The following EXTL3 variants were observed in gnomAD, a reference collection of about 807,000 sequenced individuals.
EXTL3 encodes exostosin like glycosyltransferase 3.
EXTL3 carries 27 observed loss-of-function variants against 69.3 expected under a neutral mutation model. That is an observed-to-expected ratio of 0.39 (90% CI 0.29 to 0.54). EXTL3 has a LOEUF of 0.54. Among genes scored for constraint, EXTL3 ranks in the 20% least tolerant of loss-of-function variants. EXTL3 has a pLI of 0.69. For missense variants in EXTL3, 1,003 were observed against 1,231.8 expected (o/e 0.81, Z 2.78); for synonymous variants, 511 against 499.4 (o/e 1.02, Z -0.31).
intron 1 of EXTL3, among the ~76,000 whole-genome samples, chr8:28,705,027 T>C (rs1331784070): frequency 6.6e-6 from 1 of 152,204 alleles, no homozygotes; most frequent in Non-Finnish European, 1.5e-5. Flanking sequence ...GTTGATGGGA[T>C]CCCAAATTAT....
chr8:28,710,426 G>A (rs924632280), intron 1 of EXTL3: 3 of 455,436 alleles, frequency 6.6e-6, no homozygotes, highest in Non-Finnish European at 1.3e-5. Flanking sequence ...GGCAGGAAGT[G>A]TAAAATGCAG....
intron 2 of EXTL3, among the ~76,000 whole-genome samples, chr8:28,610,359 G>T (rs1015634986): frequency 6.6e-6 from 1 of 152,230 alleles, no homozygotes; most frequent in Non-Finnish European, 1.5e-5. Flanking sequence ...TTAACAGATT[G>T]TTAGTCAGGT....
At chr8:28,733,974 T>C (rs922378113) in intron 4 of EXTL3, among the ~76,000 whole-genome samples, 9 of 151,928 alleles carry the variant, frequency 5.9e-5, no homozygotes, top group African/African-American at 2.2e-4. Context: ...CCTGCCACCA[T>C]GCCTGGCTAA....
At chr8:28,713,856 C>T (rs1302748879) in intron 2 of EXTL3, among the ~76,000 whole-genome samples, 1 of 151,144 alleles carries the variant, frequency 6.6e-6, no homozygotes, top group Non-Finnish European at 1.5e-5. Context: ...TTTCCCTCCT[C>T]TCATTCTTTG....
At chr8:28,619,266 T>TAAAAAAAAAAAAAAAAAAAAAA (rs755355444), upstream of EXTL3, among the ~76,000 whole-genome samples, 1 of 64,656 alleles carries the variant, frequency 1.5e-5, no homozygotes, top group Non-Finnish European at 2.8e-5. Context: ...AGCTTAGTGA[T>TAAAAAAAAAAAAAAAAAAAAAA]AAAAAAAAAA....
In EXTL3 at chr8:28,639,649, G is replaced by T. The variant is rs561548072; in HGVS notation, c.-53+16839G>T. Among the ~76,000 whole-genome samples, 12 of 152,266 alleles carry T rather than the reference G, an allele frequency of 7.9e-5. No individual in the cohort carries two copies. The South Asian group carries it at 1.0e-3, about 13-fold the overall frequency. ...GTTGAGCCACTCCCTCCACCTGGAC[G>T]GTTCCTCTCCTGAGTCCCTCCTGAC... On this transcript the variant is annotated intron_variant, in intron 1 of 6. Coordinates refer to the EXTL3 transcript ENST00000523149.
chr8:28,675,328 C>T (rs757452279), intron 1 of EXTL3, among the ~76,000 whole-genome samples: 24 of 152,258 alleles, frequency 1.6e-4, no homozygotes, highest in Middle Eastern at 3.4e-3. Context: ...CGAAACTCAT[C>T]GTGCAACACT....
Position 28,750,739 on chromosome 8 carries a change from A to G in EXTL3, c.2633A>G (p.Lys878Arg). Residue 878 changes from lysine to arginine, a missense_variant, in exon 7 of 7, where the codon AAG (lysine) becomes AGG (arginine). Coordinates refer to ENST00000220562, the MANE Select transcript of EXTL3 (RefSeq NM_001440.4). The surrounding 1 kb of genome is among the most constrained non-coding windows in gnomAD (Gnocchi z 5.2). ...GACTCCCACTTCCACGAGCGGCACA[A>G]GTGCATCAACTTCTTCGTGAAGGTG... ...HDDSHFHERH[K>R]CINFFVKVYG... is the part of the protein sequence containing the mutation. The G allele has an allele frequency of 6.2e-7, 1 of 1,614,156 alleles. No individual in the cohort carries two copies. Among genetic ancestry groups the G allele is most frequent in the Non-Finnish European group, 8.5e-7 (1 of 1,180,018 alleles).
chr8:28,618,786 G>A (rs1806361788), upstream of EXTL3, among the ~76,000 whole-genome samples: 1 of 151,908 alleles, frequency 6.6e-6, no homozygotes, highest in Admixed American at 6.6e-5. Context: ...AAAAGCCAGT[G>A]TAAGAAACAG....
chr8:28,707,804 A>C (rs1217250097), intron 1 of EXTL3, among the ~76,000 whole-genome samples: 2 of 152,222 alleles, frequency 1.3e-5, no homozygotes, highest in African/African-American at 2.4e-5. Context: ...CTGACTGGTA[A>C]AACAATACGA....
At chr8:28,617,358 AT>A (rs1394414009) in intron 2 of EXTL3, among the ~76,000 whole-genome samples, 3 of 152,252 alleles carry the variant, frequency 2.0e-5, no homozygotes, top group African/African-American at 7.2e-5. Flanking sequence ...TCATAGCAAC[AT>A]TATTCACGAT....
chr8:28,712,930 T>C (rs1389327705), intron 1 of EXTL3, among the ~76,000 whole-genome samples: 1 of 152,178 alleles, frequency 6.6e-6, no homozygotes, highest in Non-Finnish European at 1.5e-5. Context: ...ATTTTTGGTA[T>C]GAAAAATTTC....
intron 6 of EXTL3, among the ~76,000 whole-genome samples, chr8:28,745,705 G>C (rs964322470): frequency 6.6e-6 from 1 of 152,182 alleles, no homozygotes; most frequent in Non-Finnish European, 1.5e-5. Flanking sequence ...CCTAATAATA[G>C]CATCAGTTAC....
chr8:28,750,531 A>G lies in EXTL3; in HGVS notation c.2551-126A>G, dbSNP rs1801980881. 11 of 785,688 alleles carry G rather than the reference A, an allele frequency of 1.4e-5. No homozygotes were observed. The South Asian group carries it at 1.6e-4, about 11-fold the overall frequency. The allele number at this position is 785,688 out of a possible 1,614,324, so 48.7% of individuals were successfully genotyped here. A position where few individuals can be genotyped will look rare whatever the true frequency, so the allele number is the denominator to read the frequency against. On this transcript the variant is annotated intron_variant, in intron 6 of 6. Coordinates refer to ENST00000220562, the MANE Select transcript of EXTL3 (RefSeq NM_001440.4). This position sits in a 1 kb window ranked among gnomAD's most constrained non-coding sequence, Gnocchi z 5.2. ...GGCTCTGGTTCCTGCCATGCTCTGC[A>G]GGGATGTTGCCCCTGAGGGGATCAG...
chr8:28,642,651 G>A lies in EXTL3; in HGVS notation c.-53+19841G>A, dbSNP rs557821721. Among the ~76,000 whole-genome samples the A allele has an allele frequency of 6.5e-4, 99 of 151,942 alleles. 1 individual carries two copies. The highest frequency in any genetic ancestry group is 2.3e-3 in the Admixed American group (35 of 15,234). On this transcript the variant is annotated intron_variant, in intron 1 of 6. Transcript: ENST00000523149. ...AAATGTTTTAAGGAAACCAAAAGTG[G>A]AACCGATTGACCAATATATTATGAA...
chr8:28,719,538 G>C (rs914094302), intron 3 of EXTL3, among the ~76,000 whole-genome samples: 4 of 152,006 alleles, frequency 2.6e-5, no homozygotes, highest in Admixed American at 2.6e-4. Context: ...TTTTCTTACT[G>C]CTGCTAATCT....
intron 1 of EXTL3, among the ~76,000 whole-genome samples, chr8:28,639,289 T>TCC (rs1205811620): frequency 6.6e-6 from 1 of 152,088 alleles, no homozygotes; most frequent in African/African-American, 2.4e-5. Context: ...CCAAGTCCAG[T>TCC]CCCGGGTTCT....
intron 1 of EXTL3, among the ~76,000 whole-genome samples, chr8:28,681,842 T>C (rs924515394): frequency 6.6e-6 from 1 of 151,996 alleles, no homozygotes; most frequent in Admixed American, 6.6e-5. Flanking sequence ...TTACCAGAGG[T>C]TGGGAATTCG....
chr8:28,642,386 C>A (rs937537299), intron 1 of EXTL3, among the ~76,000 whole-genome samples: 1 of 148,462 alleles, frequency 6.7e-6, no homozygotes, highest in Non-Finnish European at 1.5e-5. Flanking sequence ...GTAAAGGCTG[C>A]AGTGAGCCAA....
Sources: gnomAD v4.1 joint callset for allele counts (sites outside exome capture counted in the v4.1 genomes callset) on GRCh38, gnomAD v4.1.1 for gene constraint, Gnocchi (gnomAD v3.1) non-coding constraint, MANE v1.5 for transcripts, NCBI Gene and HGNC (gene_info 2026-07-23, HGNC 2026-07-21) for gene names.